ADAMTS16: variants seen among roughly 807,000 people sequenced by gnomAD.
ADAMTS16 encodes ADAM metallopeptidase with thrombospondin type 1 motif 16.
In ADAMTS16, 94 loss-of-function variants were observed where a neutral mutation model predicts 145.8. That is an observed-to-expected ratio of 0.64 (90% CI 0.55 to 0.77). ADAMTS16 has a LOEUF of 0.77. Among genes scored for constraint, ADAMTS16 ranks in the 30% least tolerant of loss-of-function variants. ADAMTS16 has a pLI of 0.00. For synonymous variants in ADAMTS16, 659 were observed against 604.3 expected (o/e 1.09, Z -1.33); for missense variants, 1,585 against 1,591.5 (o/e 1.00, Z 0.07).
intron 10 of ADAMTS16, among the ~76,000 whole-genome samples, chr5:5,221,437 C>A (rs771794746): frequency 2.0e-5 from 3 of 152,156 alleles, no homozygotes; most frequent in Non-Finnish European, 2.9e-5. Context: ...CCAGGCAAAG[C>A]CCTGGCCATT....
intron 3 of ADAMTS16, among the ~76,000 whole-genome samples, chr5:5,160,772 A>C (rs929678801): frequency 4.7e-5 from 7 of 147,640 alleles, no homozygotes; most frequent in East Asian, 2.0e-4. Context: ...AAAAAAAAAA[A>C]CCAGCTTTAC....
In ADAMTS16 at chr5:5,305,449, T is replaced by TC. The variant is rs1262328097; in HGVS notation, c.3187-1053dup. ...ACACAACCCACACCACACACACACA[T>TC]CCACACCACACACACACACATCCCA... On this transcript the variant is annotated intron_variant, in intron 20 of 22. Transcript: ENST00000274181. 5.6e-4 allele frequency among the ~76,000 whole-genome samples: 7 copies of TC among 12,444 alleles called. 2 individuals carry two copies. Among genetic ancestry groups the TC allele is most frequent in the East Asian group, 3.7e-3 (1 of 270 alleles). The allele number at this position is 12,444 out of a possible 152,430, so 8.2% of individuals were successfully genotyped here. A position where few individuals can be genotyped will look rare whatever the true frequency, so the allele number is the denominator to read the frequency against.
chr5:5,303,814 G>A (rs772619622), intron 20 of ADAMTS16, 48 bp downstream of exon 20: 6 of 1,585,732 alleles, frequency 3.8e-6, no homozygotes, highest in South Asian at 3.4e-5. Flanking sequence ...CTCTCCCCTC[G>A]GGACTGCCTC....
intron 18 of ADAMTS16, among the ~76,000 whole-genome samples, chr5:5,285,435 G>T (rs574328953): frequency 6.6e-6 from 1 of 152,318 alleles, no homozygotes; most frequent in South Asian, 2.1e-4. Context: ...AAACTCGGGT[G>T]CAGCCCCGAC....
rs1218721594 is a variant in ADAMTS16, at chr5:5,186,049, T to C, written c.764-3T>C. The C allele has an allele frequency of 1.9e-6, 3 of 1,611,604 alleles. No individual in the cohort carries two copies. Among genetic ancestry groups the C allele is most frequent in the African/African-American group, 1.3e-5 (1 of 74,896 alleles). On this transcript the variant is annotated splice_region_variant and splice_polypyrimidine_tract_variant and intron_variant, in intron 4 of 22. Coordinates refer to ENST00000274181, the MANE Select transcript of ADAMTS16 (RefSeq NM_139056.4). ...CATTTGCCCTCCATGTGTCCCTCCA[T>C]AGACATGCCCCAGCCTCCCAAGGAA...
intron 10 of ADAMTS16, among the ~76,000 whole-genome samples, chr5:5,212,267 G>A (rs56315610): frequency 0.23 from 33,555 of 146,218 alleles, 5,041 homozygotes; most frequent in East Asian, 0.63. Context: ...GAGTGCAGTG[G>A]CACGATCTTG....
At chr5:5,285,975 C>T (rs16875236) in intron 18 of ADAMTS16, among the ~76,000 whole-genome samples, 11,103 of 152,210 alleles carry the variant, frequency 0.073, 812 homozygotes, top group African/African-American at 0.19. Context: ...GCGACTTGTG[C>T]GTATGTAGAC....
At chr5:5,237,785 G>A (rs778857813) in intron 14 of ADAMTS16, among the ~76,000 whole-genome samples, 7 of 152,138 alleles carry the variant, frequency 4.6e-5, no homozygotes, top group Non-Finnish European at 1.0e-4. Flanking sequence ...GGGCAGACAG[G>A]GATGCAGGAG....
intron 3 of ADAMTS16, chr5:5,176,359 T>C (rs374649062): frequency 3.3e-5 from 5 of 152,200 alleles, no homozygotes; most frequent in African/African-American, 1.2e-4. Flanking sequence ...CCAAATTCCT[T>C]CTTCAGCCAG....
chr5:5,257,602 C>T (rs562183933), intron 17 of ADAMTS16, among the ~76,000 whole-genome samples: 3 of 152,222 alleles, frequency 2.0e-5, no homozygotes, highest in Non-Finnish European at 2.9e-5. Flanking sequence ...TTTTTCAGGG[C>T]AAATGTGCAT....
At chr5:5,219,640 A>G (rs1429462696) in intron 10 of ADAMTS16, among the ~76,000 whole-genome samples, 2 of 152,214 alleles carry the variant, frequency 1.3e-5, no homozygotes, top group Admixed American at 6.5e-5. Context: ...CGTGGGTTAT[A>G]TGATCGTCAG....
At chr5:5,200,388 G>A in intron 9 of ADAMTS16, 119 bp downstream of exon 9, 4 of 1,321,718 alleles carry the variant, frequency 3.0e-6, no homozygotes, top group Non-Finnish European at 1.0e-6. Context: ...TCCCTTTGAA[G>A]GTGTCTTGAG....
intron 17 of ADAMTS16, among the ~76,000 whole-genome samples, chr5:5,248,197 A>G (rs1355806740): frequency 4.6e-5 from 7 of 152,206 alleles, no homozygotes; most frequent in African/African-American, 1.4e-4. Context: ...TTTTGGCAAC[A>G]GCTGGAATTC....
chr5:5,207,969 TAAG>T (rs778543948), intron 9 of ADAMTS16, among the ~76,000 whole-genome samples: 4 of 152,204 alleles, frequency 2.6e-5, no homozygotes, highest in Non-Finnish European at 4.4e-5. Flanking sequence ...TTATGAGAGA[TAAG>T]AAAAGCTTTC....
In ADAMTS16 at chr5:5,247,479, C is replaced by T. The variant is rs566308339; in HGVS notation, c.2662+5288C>T. On this transcript the variant is annotated intron_variant, in intron 17 of 22. Transcript: ENST00000274181. ...TGTGTGATGTCACCCAGGCCCATTT[C>T]ATCAAGTGTGCTCAGAGGTCCAGGG... 3.1e-3 allele frequency among the ~76,000 whole-genome samples: 475 copies of T among 152,188 alleles called. 2 individuals are homozygous for T. The highest frequency in any genetic ancestry group is 4.7e-3 in the Non-Finnish European group (318 of 68,012).
At chr5:5,168,608 T>C (rs1262861666) in intron 3 of ADAMTS16, among the ~76,000 whole-genome samples, 4 of 116,426 alleles carry the variant, frequency 3.4e-5, no homozygotes, top group Admixed American at 9.8e-5. Context: ...TATATAATTA[T>C]ATTTTTATAT....
intron 18 of ADAMTS16, among the ~76,000 whole-genome samples, chr5:5,299,971 C>T (rs1470321125): frequency 2.0e-5 from 3 of 152,146 alleles, no homozygotes; most frequent in East Asian, 1.9e-4. Context: ...CCCTAAAGCT[C>T]GGTTTTTTAA....
intron 3 of ADAMTS16, among the ~76,000 whole-genome samples, chr5:5,148,365 G>A (rs1327447696): frequency 1.3e-5 from 2 of 152,182 alleles, no homozygotes; most frequent in Admixed American, 1.3e-4. Context: ...CGATCACTTT[G>A]AAAAGAAGAT....
chr5:5,318,692 A>G (rs1734154960), intron 22 of ADAMTS16, among the ~76,000 whole-genome samples: 1 of 152,150 alleles, frequency 6.6e-6, no homozygotes, highest in Non-Finnish European at 1.5e-5. Context: ...CTATTCTGAG[A>G]GATAATGTGG....
Sources: gnomAD v4.1 joint callset for allele counts (sites outside exome capture counted in the v4.1 genomes callset) on GRCh38, gnomAD v4.1.1 for gene constraint, MANE v1.5 for transcripts, NCBI Gene and HGNC (gene_info 2026-07-23, HGNC 2026-07-21) for gene names.